FBXL7: variants seen among roughly 807,000 people sequenced by gnomAD.
The protein encoded by FBXL7 is F-box/LRR-repeat protein 7.
FBXL7 carries 12 observed loss-of-function variants against 38.3 expected under a neutral mutation model. The observed-to-expected ratio is 0.31, with a 90% CI of 0.20 to 0.51. The LOEUF is 0.51. FBXL7 is among the 20% of genes least tolerant of loss of function. The pLI is 0.98. For synonymous variants in FBXL7, 297 were observed against 300.9 expected (o/e 0.99, Z 0.13); for missense variants, 567 against 676.4 (o/e 0.84, Z 1.79).
At chr5:15,559,281 GT>G (rs1474604003) in intron 1 of FBXL7, among the ~76,000 whole-genome samples, 1 of 152,174 alleles carries the variant, frequency 6.6e-6, no homozygotes, top group Non-Finnish European at 1.5e-5. Context: ...TTGTGAAAGA[GT>G]TATGGTCCCA....
intron 2 of FBXL7, among the ~76,000 whole-genome samples, chr5:15,916,681 G>C (rs1741593068): frequency 6.6e-6 from 1 of 152,118 alleles, no homozygotes; most frequent in South Asian, 2.1e-4. Context: ...CTATGAAAAG[G>C]GGCTTTCACA....
rs542975710 is a variant in FBXL7 at position 15,620,390 on chromosome 5, G to A, written c.127+4318G>A. Among the ~76,000 whole-genome samples the A allele has an allele frequency of 4.5e-4, 65 of 145,910 alleles. 1 individual carries two copies. In the Middle Eastern group the frequency reaches 0.011, roughly 24 times the overall value. On this transcript the variant is annotated intron_variant, in intron 2 of 3. Transcript: ENST00000504595. ...TGGGATTACAGACACATGCCACCAC[G>A]CCCAGCTAATTTTTTGTTTTTTGTT...
At chr5:15,863,026 T>C (rs1485715674) in intron 2 of FBXL7, among the ~76,000 whole-genome samples, 1 of 152,200 alleles carries the variant, frequency 6.6e-6, no homozygotes, top group Non-Finnish European at 1.5e-5. Context: ...TGTATGGGTG[T>C]GTGTACACTG....
At chr5:15,546,741 C>CA (rs1008389943) in intron 1 of FBXL7, among the ~76,000 whole-genome samples, 33 of 151,858 alleles carry the variant, frequency 2.2e-4, no homozygotes, top group Non-Finnish European at 3.8e-4. Flanking sequence ...AAAAACAAAA[C>CA]AAAAAAAATT....
chr5:15,598,638 A>G (rs991125680), intron 1 of FBXL7, among the ~76,000 whole-genome samples: 3 of 152,108 alleles, frequency 2.0e-5, no homozygotes, highest in Admixed American at 2.0e-4. Flanking sequence ...ATTTTTATTG[A>G]AATTGTTGAC....
At chr5:15,882,160 C>T (rs373201089) in intron 2 of FBXL7, among the ~76,000 whole-genome samples, 198 of 152,280 alleles carry the variant, frequency 1.3e-3, no homozygotes, top group African/African-American at 4.0e-3. Flanking sequence ...CAATCACCTC[C>T]AACCAGGCCC....
At chr5:15,519,765 C>A (rs145238783) in intron 1 of FBXL7, among the ~76,000 whole-genome samples, 1 of 152,244 alleles carries the variant, frequency 6.6e-6, no homozygotes, top group Non-Finnish European at 1.5e-5. Context: ...GAAGACAGAG[C>A]TGGTGGTAAT....
chr5:15,794,014 CT>C (rs1276505677), intron 2 of FBXL7, among the ~76,000 whole-genome samples: 2 of 152,224 alleles, frequency 1.3e-5, no homozygotes, highest in Non-Finnish European at 2.9e-5. Flanking sequence ...ACAAAGTTCT[CT>C]CGTGCCTGTG....
intron 1 of FBXL7, among the ~76,000 whole-genome samples, chr5:15,537,959 C>A (rs1737633946): frequency 6.6e-6 from 1 of 152,104 alleles, no homozygotes; most frequent in Non-Finnish European, 1.5e-5. Flanking sequence ...CATGAAAGAC[C>A]CTGAGCTATG....
chr5:15,651,413 A>T (rs746257431), intron 2 of FBXL7, among the ~76,000 whole-genome samples: 10 of 152,134 alleles, frequency 6.6e-5, no homozygotes, highest in Admixed American at 2.0e-4. Context: ...TCTTAATAAG[A>T]ATTGAAAGTC....
intron 2 of FBXL7, among the ~76,000 whole-genome samples, chr5:15,645,410 T>C (rs1464523428): frequency 3.9e-5 from 6 of 152,164 alleles, no homozygotes; most frequent in East Asian, 1.9e-4. Flanking sequence ...CTCTCACTTA[T>C]CTGTGACCTG....
intron 2 of FBXL7, among the ~76,000 whole-genome samples, chr5:15,682,968 G>A (rs918205037): frequency 7.2e-5 from 11 of 152,218 alleles, no homozygotes; most frequent in Admixed American, 6.5e-5. Context: ...TTTAGGTAAT[G>A]TCCAGTCATA....
At chr5:15,567,868 T>C (rs185220219) in intron 1 of FBXL7, among the ~76,000 whole-genome samples, 10 of 152,260 alleles carry the variant, frequency 6.6e-5, no homozygotes, top group East Asian at 5.8e-4. Context: ...GTCCTTGCGA[T>C]AGTTTGCTGG....
intron 2 of FBXL7, among the ~76,000 whole-genome samples, chr5:15,690,163 G>A (rs1743137405): frequency 6.6e-6 from 1 of 152,000 alleles, no homozygotes; most frequent in African/African-American, 2.4e-5. Context: ...AAGTAATGAG[G>A]CATTTCTTCA....
rs1417142415 is a variant in FBXL7 at position 15,936,418 on chromosome 5, G to T, written c.740-32G>T. The T allele has an allele frequency of 6.3e-7, 1 of 1,592,530 alleles. No homozygotes were observed. Among genetic ancestry groups the T allele is most frequent in the East Asian group, 2.2e-5 (1 of 44,598 alleles). ...GGCGTGGCTCCCCTGCTGGCAGGTTGCTCTGAGCCTGTGTTCTGTCTCTTT... is the reference window on the plus strand; with the variant it reads ...GGCGTGGCTCCCCTGCTGGCAGGTTTCTCTGAGCCTGTGTTCTGTCTCTTT... On this transcript the variant is annotated intron_variant, in intron 3 of 3. Coordinates refer to ENST00000504595, the MANE Select transcript of FBXL7 (RefSeq NM_012304.5). This position sits in a 1 kb window ranked among gnomAD's most constrained non-coding sequence, Gnocchi z 6.0.
At chr5:15,763,635 C>T (rs1736509925) in intron 2 of FBXL7, among the ~76,000 whole-genome samples, 1 of 152,120 alleles carries the variant, frequency 6.6e-6, no homozygotes, top group Non-Finnish European at 1.5e-5. Flanking sequence ...TACATCAGAG[C>T]ATTATTTTTT....
intron 2 of FBXL7, among the ~76,000 whole-genome samples, chr5:15,638,016 T>G (rs1190793549): frequency 1.3e-5 from 2 of 152,180 alleles, no homozygotes; most frequent in East Asian, 3.8e-4. Flanking sequence ...TCAGCTAACC[T>G]AGTTTAACAC....
At chr5:15,611,719 T>C (rs1246135253) in intron 1 of FBXL7, among the ~76,000 whole-genome samples, 1 of 151,982 alleles carries the variant, frequency 6.6e-6, no homozygotes, top group African/African-American at 2.4e-5. Context: ...ATGATGGCTC[T>C]TGCCTGTAAT....
At chr5:15,669,102 C>T (rs1742377289) in intron 2 of FBXL7, among the ~76,000 whole-genome samples, 2 of 152,116 alleles carry the variant, frequency 1.3e-5, no homozygotes, top group African/African-American at 4.8e-5. Flanking sequence ...CTGTGTTACT[C>T]ATCTTTGTGT....
Sources: allele counts gnomAD v4.1 joint callset (sites outside exome capture counted in the v4.1 genomes callset), GRCh38; gene constraint gnomAD v4.1.1; non-coding constraint Gnocchi (gnomAD v3.1); transcripts MANE v1.5; gene names NCBI Gene and HGNC (gene_info 2026-07-23, HGNC 2026-07-21).